The following GALNT18 variants were observed in gnomAD, a reference collection of about 807,000 sequenced individuals.
GALNT18 encodes the protein GalNAc-transferase 18.
A neutral mutation model predicts 69.5 loss-of-function variants in GALNT18; 44 were observed. The observed-to-expected ratio is 0.63, with a 90% CI of 0.50 to 0.81. The LOEUF (loss-of-function observed/expected upper bound fraction) is 0.81. Among genes scored for constraint, GALNT18 ranks in the 40% least tolerant of loss-of-function variants. The pLI is 0.00. For synonymous variants in GALNT18, 364 were observed against 318.2 expected, an observed-to-expected ratio of 1.14 and a Z score of -1.53; for missense variants, 715 against 810.0, an observed-to-expected ratio of 0.88 and a Z score of 1.42.
chr11:11,549,004 C>T (rs570570826), intron 1 of GALNT18, among the ~76,000 whole-genome samples: 59 of 152,338 alleles, frequency 3.9e-4, no homozygotes, highest in African/African-American at 1.3e-3. Context: ...CTACATTTCC[C>T]AGCTTCCCTT....
intron 1 of GALNT18, among the ~76,000 whole-genome samples, chr11:11,581,225 T>G (rs1416869424): frequency 1.3e-5 from 2 of 152,022 alleles, no homozygotes; most frequent in Non-Finnish European, 2.9e-5. Context: ...TCCATGCTGG[T>G]GTTGATGAGT....
At chr11:11,529,810 C>A (rs1001821248) in intron 1 of GALNT18, among the ~76,000 whole-genome samples, 1 of 152,118 alleles carries the variant, frequency 6.6e-6, no homozygotes, top group Non-Finnish European at 1.5e-5. Flanking sequence ...TAGAGATTGA[C>A]CACATATGTA....
chr11:11,425,699 GAA>G (rs1855112812), intron 3 of GALNT18, among the ~76,000 whole-genome samples: 4 of 152,138 alleles, frequency 2.6e-5, no homozygotes, highest in Non-Finnish European at 5.9e-5. Context: ...GAGGGAACCT[GAA>G]AGAGTTCACG....
At chr11:11,297,139 T>C (rs1414381556) in intron 9 of GALNT18, among the ~76,000 whole-genome samples, 2 of 152,080 alleles carry the variant, frequency 1.3e-5, no homozygotes, top group Non-Finnish European at 2.9e-5. Context: ...GTCTAGTGGC[T>C]GGTCTGGGAT....
rs538695756 is a variant in GALNT18, at chr11:11,346,766, C to T, written c.1093-5762G>A. 1.1e-4 allele frequency among the ~76,000 whole-genome samples: 16 copies of T among 152,244 alleles called. No individual in the cohort carries two copies. The East Asian group carries it at 2.7e-3, about 26-fold the overall frequency. On this transcript the variant is annotated intron_variant, in intron 6 of 10. Coordinates refer to ENST00000227756, the MANE Select transcript of GALNT18 (RefSeq NM_198516.3). ...GGCAGAGCAAAATCACACTCACCACCGGCCCTTCCCAGAAAACCCTAGTAC... is the reference window on the plus strand; with the variant it reads ...GGCAGAGCAAAATCACACTCACCACTGGCCCTTCCCAGAAAACCCTAGTAC...
chr11:11,341,146 G>A lies in GALNT18; in HGVS notation c.1093-142C>T. 1 of 666,768 alleles carries A rather than the reference G, an allele frequency of 1.5e-6. No individual in the cohort carries two copies. 41.3% of individuals were successfully genotyped at this position (666,768 alleles called of 1,614,324 possible). On this transcript the variant is annotated intron_variant, in intron 6 of 10. Coordinates refer to ENST00000227756, the MANE Select transcript of GALNT18 (RefSeq NM_198516.3). This position sits in a 1 kb window ranked among gnomAD's most constrained non-coding sequence, Gnocchi z 6.3. The stretch of plus-strand genomic sequence containing the variant: ...CCAGATCACTCTCTGTGAAGGAGTA[G>A]GCCATACCTGATTTCTGCTCCTATA...
chr11:11,563,628 AGCCTAAG>A lies in GALNT18; in HGVS notation c.235+57724_235+57730del, dbSNP rs1307694364. On this transcript the variant is annotated intron_variant, in intron 1 of 10. Transcript: ENST00000227756. The surrounding 1 kb of genome is among the most constrained non-coding windows in gnomAD (Gnocchi z 4.6). ...CACAAGTGAGGAAACTAAGGCTCAA[AGCCTAAG>A]GCTAGCTTGTGGTTGCTGGTGGGGG... Among the ~76,000 whole-genome samples the A allele has an allele frequency of 3.9e-5, 6 of 152,226 alleles. No individual in the cohort carries two copies. The highest frequency in any genetic ancestry group is 1.4e-4 in the African/African-American group (6 of 41,462).
chr11:11,474,096 A>G (rs1014215243), intron 1 of GALNT18, among the ~76,000 whole-genome samples: 8 of 152,208 alleles, frequency 5.3e-5, no homozygotes, highest in African/African-American at 1.9e-4. Flanking sequence ...AACCGATGTT[A>G]ATAAAACAAA....
intron 10 of GALNT18, among the ~76,000 whole-genome samples, chr11:11,274,243 C>G (rs537927999): frequency 6.6e-6 from 1 of 152,314 alleles, no homozygotes; most frequent in South Asian, 2.1e-4. Flanking sequence ...AAGCACAAAA[C>G]AGGGTGGCTG....
At chr11:11,327,725 G>T (rs1164738933) in intron 8 of GALNT18, among the ~76,000 whole-genome samples, 1 of 152,196 alleles carries the variant, frequency 6.6e-6, no homozygotes, top group African/African-American at 2.4e-5. Flanking sequence ...GTGGGAGCAG[G>T]AGAAGAGAGC....
chr11:11,501,677 C>A (rs2133899858), intron 1 of GALNT18, among the ~76,000 whole-genome samples: 1 of 152,280 alleles, frequency 6.6e-6, no homozygotes, highest in East Asian at 1.9e-4. Flanking sequence ...GGGAAAGTGC[C>A]TTGACAACCA....
intron 1 of GALNT18, among the ~76,000 whole-genome samples, chr11:11,570,727 G>C (rs1460385093): frequency 6.6e-6 from 1 of 152,152 alleles, no homozygotes; most frequent in Non-Finnish European, 1.5e-5. Context: ...TTTAATATCA[G>C]GCTTCAGCCC....
chr11:11,272,798 G>A (rs1848854308), intron 10 of GALNT18, among the ~76,000 whole-genome samples: 1 of 151,816 alleles, frequency 6.6e-6, no homozygotes, highest in Admixed American at 6.6e-5. Context: ...TTCACTTTGT[G>A]CCTTTTCCAG....
intron 9 of GALNT18, 134 bp downstream of exon 9, chr11:11,326,952 C>T (rs1035115949): frequency 3.1e-6 from 2 of 649,890 alleles, no homozygotes; most frequent in Admixed American, 2.6e-5. Context: ...AATGAAAAGC[C>T]CCAGAGGCCC....
chr11:11,338,270 A>G lies in GALNT18; in HGVS notation c.1278+2549T>C, dbSNP rs76554317. On this transcript the variant is annotated intron_variant, in intron 7 of 10. Transcript: ENST00000227756. The surrounding 1 kb of genome is among the most constrained non-coding windows in gnomAD (Gnocchi z 5.3). ...GGCATGAGCCACTGCGCCTGGCCTC[A>G]TTTAAAGATTTTAAGCAGGGCGATG... Among the ~76,000 whole-genome samples the G allele has an allele frequency of 0.047, 7,146 of 152,188 alleles. 211 individuals carry two copies. Among genetic ancestry groups the G allele is most frequent in the East Asian group, 0.17 (875 of 5,164 alleles).
In GALNT18 at chr11:11,271,147, G is replaced by A; in HGVS notation, c.1821C>T (p.Ser607=). ...AGCCGGAAGTGGCCCCGGTGGGTCA[G>A]GACGCGAGGCTCCTCAGGACGTTGG... ...SITNVLRSLA[S] Residue 607 remains serine (S), a synonymous_variant, in exon 11 of 11, where the codon TCC becomes TCT. Coordinates refer to ENST00000227756, the MANE Select transcript of GALNT18 (RefSeq NM_198516.3). 1 of 1,610,706 alleles carries A rather than the reference G, an allele frequency of 6.2e-7. No homozygotes were observed. Among genetic ancestry groups the A allele is most frequent in the Non-Finnish European group, 8.5e-7 (1 of 1,177,236 alleles).
intron 1 of GALNT18, chr11:11,475,055 T>C (rs1038862268): frequency 6.6e-6 from 1 of 152,132 alleles, no homozygotes; most frequent in Non-Finnish European, 1.5e-5. Context: ...TAGGGGAAAA[T>C]ATCGTGCTCA....
rs1464598279 is a variant in GALNT18, at chr11:11,466,393, T to C, written c.236-17457A>G. Among the ~76,000 whole-genome samples, 4 of 152,372 alleles carry C rather than the reference T, an allele frequency of 2.6e-5. No individual in the cohort carries two copies. The East Asian group carries it at 7.7e-4, about 29-fold the overall frequency. ...TAGAAACAATGGCCATTTTGAAATATGATTTTTCAAAGTACATGTGCCACT... is the reference window on the plus strand; with the variant it reads ...TAGAAACAATGGCCATTTTGAAATACGATTTTTCAAAGTACATGTGCCACT... On this transcript the variant is annotated intron_variant, in intron 1 of 10. Coordinates refer to ENST00000227756, the MANE Select transcript of GALNT18 (RefSeq NM_198516.3).
At position 11,377,251 on chromosome 11, in the gene GALNT18, T is replaced by C; in HGVS notation, c.908A>G (p.Glu303Gly). 1.2e-6 allele frequency: 2 copies of C among 1,613,928 alleles called. No homozygotes were observed. Among genetic ancestry groups the C allele is most frequent in the Admixed American group, 1.7e-5 (1 of 60,022 alleles). The change falls in exon 5 of 11, where the codon GAG (glutamate) becomes GGG (glycine). Residue 303 changes from glutamate to glycine, a missense_variant. Transcript: ENST00000227756. This position sits in a 1 kb window ranked among gnomAD's most constrained non-coding sequence, Gnocchi z 4.6. ...GGGATTTAGGTAGCGGCACCACAGC[T>C]CCCAGTCAAAGCCCTGGGCAGCCAG... is the stretch of plus-strand genomic sequence containing the variant. ...YPLAAQGFDW[E>G]LWCRYLNPPK...
Sources: gnomAD v4.1 joint callset for allele counts (sites outside exome capture counted in the v4.1 genomes callset) on GRCh38, gnomAD v4.1.1 for gene constraint, Gnocchi (gnomAD v3.1) non-coding constraint, MANE v1.5 for transcripts, NCBI Gene and HGNC (gene_info 2026-07-23, HGNC 2026-07-21) for gene names.